The following HELZ variants were observed in gnomAD, a reference collection of about 807,000 sequenced individuals.
The protein encoded by HELZ is helicase with zinc finger, also known as ATP-dependent RNA helicase with zinc finger domain.
A neutral mutation model predicts 218.2 loss-of-function variants in HELZ; 23 were observed. The observed-to-expected ratio is 0.11, with a 90% CI of 0.08 to 0.15. The LOEUF (loss-of-function observed/expected upper bound fraction) is 0.15. Ranked by LOEUF, HELZ falls within the 10% of genes least tolerant of loss-of-function variation. HELZ has a pLI of 1.00. For synonymous variants in HELZ, 814 were observed against 829.4 expected, an observed-to-expected ratio of 0.98 and a Z score of 0.32; for missense variants, 1,813 against 2,353.7, an observed-to-expected ratio of 0.77 and a Z score of 4.75.
At chr17:67,187,359 T>C (rs1196624758) in intron 12 of HELZ, among the ~76,000 whole-genome samples, 1 of 152,164 alleles carries the variant, frequency 6.6e-6, no homozygotes, top group African/African-American at 2.4e-5. Context: ...ACTGTTAAAT[T>C]TGGGCACCAT....
chr17:67,192,908 A>G (rs938523085), intron 9 of HELZ, among the ~76,000 whole-genome samples: 10 of 152,248 alleles, frequency 6.6e-5, no homozygotes, highest in African/African-American at 1.7e-4. Flanking sequence ...TTATTCATAA[A>G]TTCTACATAA....
Position 67,128,786 on chromosome 17 carries a change from C to G in HELZ, c.3252G>C (p.Gln1084His). Residue 1084 changes from glutamine (Q) to histidine (H), a missense_variant, in exon 24 of 33, where the codon CAG becomes CAC. This residue lies in a region of HELZ where 156 missense variants were observed against 274.4 expected (regional missense o/e 0.57). Coordinates refer to ENST00000358691, the MANE Select transcript of HELZ (RefSeq NM_014877.4). ...NSSLHGITFE[Q>H]IKAQLEALEL... is the part of the protein sequence containing the mutation. Reference sequence around the variant, plus strand: ...CTAAAGCCTCTAACTGGGCTTTGATCTGTTCAAAAGTGATTCCATGTAGGC... The same window carrying G: ...CTAAAGCCTCTAACTGGGCTTTGATGTGTTCAAAAGTGATTCCATGTAGGC... The G allele has an allele frequency of 6.2e-7, 1 of 1,614,090 alleles. No individual in the cohort carries two copies.
In HELZ at chr17:67,237,251, C is replaced by T. The variant is rs139197105; in HGVS notation, c.-19+2182G>A. ...AGTGAGCCGAGATCCCACCAGTGTA[C>T]TCCAGCCTGGGCGACAGAGTGAGAC... On this transcript the variant is annotated intron_variant, in intron 3 of 32. Transcript: ENST00000358691. Among the ~76,000 whole-genome samples, 763 of 152,286 alleles carry T rather than the reference C, an allele frequency of 5.0e-3. 7 individuals are homozygous for T. The highest frequency in any genetic ancestry group is 0.018 in the African/African-American group (729 of 41,560).
At chr17:67,207,035 C>A (rs1259749310) in intron 5 of HELZ, among the ~76,000 whole-genome samples, 1 of 151,004 alleles carries the variant, frequency 6.6e-6, no homozygotes, top group African/African-American at 2.4e-5. Context: ...ACCTCAGCCT[C>A]CCAAGTAGCT....
chr17:67,194,634 T>G (rs2039977333), intron 8 of HELZ, among the ~76,000 whole-genome samples: 1 of 152,238 alleles, frequency 6.6e-6, no homozygotes, highest in African/African-American at 2.4e-5. Flanking sequence ...CAATGAGCTT[T>G]GATTTGTTTG....
intron 21 of HELZ, among the ~76,000 whole-genome samples, chr17:67,139,184 T>C (rs929017791): frequency 2.0e-5 from 3 of 152,152 alleles, no homozygotes; most frequent in Non-Finnish European, 2.9e-5. Flanking sequence ...GCAGTTCCCA[T>C]GTCCAGATAC....
At chr17:67,222,132 T>A (rs549803394) in intron 3 of HELZ, among the ~76,000 whole-genome samples, 1 of 152,208 alleles carries the variant, frequency 6.6e-6, no homozygotes, top group Non-Finnish European at 1.5e-5. Context: ...TGAGCCACTG[T>A]ACCCAGCCTA....
At chr17:67,134,253 C>T (rs1257873121) in intron 23 of HELZ, among the ~76,000 whole-genome samples, 2 of 151,980 alleles carry the variant, frequency 1.3e-5, no homozygotes, top group East Asian at 1.9e-4. Context: ...GGCGTGGTGG[C>T]GCATGCCTGT....
At chr17:67,121,981 C>T (rs920107846) in intron 26 of HELZ, among the ~76,000 whole-genome samples, 2 of 151,962 alleles carry the variant, frequency 1.3e-5, no homozygotes, top group African/African-American at 4.8e-5. Context: ...TCATTAGCTC[C>T]GTTAACTTTT....
At chr17:67,084,923 C>T (rs560171618) in intron 32 of HELZ, among the ~76,000 whole-genome samples, 5 of 152,092 alleles carry the variant, frequency 3.3e-5, no homozygotes, top group African/African-American at 1.2e-4. Context: ...CTGGCCAACA[C>T]GATGTAGCCC....
At chr17:67,223,352 G>A (rs2040801945) in intron 3 of HELZ, among the ~76,000 whole-genome samples, 1 of 152,202 alleles carries the variant, frequency 6.6e-6, no homozygotes, top group African/African-American at 2.4e-5. Context: ...CTGGAGCTGA[G>A]TCACATTAAG....
At chr17:67,216,041 G>A (rs2040591367) in intron 4 of HELZ, 106 bp from the exon 5 acceptor site, 1 of 722,832 alleles carries the variant, frequency 1.4e-6, no homozygotes. Flanking sequence ...AATCATTAAT[G>A]TTGTAAACTT....
At chr17:67,163,153 G>A (rs1028112109) in intron 15 of HELZ, among the ~76,000 whole-genome samples, 2 of 152,092 alleles carry the variant, frequency 1.3e-5, no homozygotes, top group Non-Finnish European at 2.9e-5. Context: ...AAAAATAATT[G>A]AGCAACAAAA....
chr17:67,105,540 C>T (rs971358348), intron 31 of HELZ, among the ~76,000 whole-genome samples: 5 of 152,134 alleles, frequency 3.3e-5, no homozygotes, highest in African/African-American at 1.2e-4. Flanking sequence ...GTAGTGATGA[C>T]TGTATAACAT....
chr17:67,093,366 G>A (rs1175345524), intron 31 of HELZ, among the ~76,000 whole-genome samples: 1 of 152,100 alleles, frequency 6.6e-6, no homozygotes, highest in Admixed American at 6.5e-5. Context: ...GGAGAATCTA[G>A]GAGGCCCAAC....
intron 31 of HELZ, among the ~76,000 whole-genome samples, chr17:67,105,193 AT>A (rs989585090): frequency 6.6e-6 from 1 of 152,038 alleles, no homozygotes; most frequent in Non-Finnish European, 1.5e-5. Flanking sequence ...GATGGTTATA[AT>A]TTTTTTTACA....
At chr17:67,128,140 A>G (rs2037861024) in intron 24 of HELZ, among the ~76,000 whole-genome samples, 1 of 152,178 alleles carries the variant, frequency 6.6e-6, no homozygotes, top group Admixed American at 6.5e-5. Context: ...TATACAAAAA[A>G]TATGTGTCAA....
chr17:67,124,044 T>C (rs200096164), intron 24 of HELZ, 30 bp from the exon 25 acceptor site: 2 of 1,376,884 alleles, frequency 1.5e-6, no homozygotes, highest in Non-Finnish European at 2.1e-6. Context: ...TGTATAATAA[T>C]TTAAGCATGT....
intron 13 of HELZ, among the ~76,000 whole-genome samples, chr17:67,171,924 C>G (rs1046669265): frequency 1.3e-4 from 19 of 151,950 alleles, no homozygotes; most frequent in African/African-American, 4.6e-4. Flanking sequence ...CTCCACCTCC[C>G]GGGTTCAAGC....
Sources: allele counts gnomAD v4.1 joint callset (sites outside exome capture counted in the v4.1 genomes callset), GRCh38; gene constraint gnomAD v4.1.1; regional missense constraint gnomAD v4.1.1; transcripts MANE v1.5; gene names NCBI Gene and HGNC (gene_info 2026-07-23, HGNC 2026-07-21).